The following AGO2 variants were observed in gnomAD, a reference collection of about 807,000 sequenced individuals.
The protein encoded by AGO2 is protein argonaute-2.
In AGO2, 5 loss-of-function variants were observed where a neutral mutation model predicts 102.3. That is an observed-to-expected ratio of 0.05 (90% CI 0.03 to 0.10). The LOEUF (loss-of-function observed/expected upper bound fraction) is 0.10, where lower values mean the gene tolerates loss of function less well. AGO2 is among the 10% of genes least tolerant of loss of function. AGO2 has a pLI of 1.00. For missense variants in AGO2, 541 were observed against 1,183.7 expected (o/e 0.46, Z 7.97); for synonymous variants, 449 against 473.1 (o/e 0.95, Z 0.66).
chr8:140,608,976 C>T (rs967471955), intron 1 of AGO2, among the ~76,000 whole-genome samples: 8 of 152,234 alleles, frequency 5.3e-5, no homozygotes, highest in East Asian at 3.8e-4. Flanking sequence ...TCAGTTCCAC[C>T]GGTGGGTCAC....
At chr8:140,628,124 G>A (rs1295021062) in intron 1 of AGO2, among the ~76,000 whole-genome samples, 1 of 152,254 alleles carries the variant, frequency 6.6e-6, no homozygotes, top group Non-Finnish European at 1.5e-5. Context: ...TCAGGGCAGA[G>A]ACCGGAAGAA....
At chr8:140,562,338 C>T in intron 4 of AGO2, 115 bp downstream of exon 4, 1 of 1,290,756 alleles carries the variant, frequency 7.7e-7, no homozygotes, top group Non-Finnish European at 1.0e-6. Flanking sequence ...CCCACGTGAC[C>T]ACTCCCACCC....
chr8:140,538,442 T>C (rs2072735206), intron 16 of AGO2, among the ~76,000 whole-genome samples: 1 of 152,238 alleles, frequency 6.6e-6, no homozygotes, highest in Non-Finnish European at 1.5e-5. Context: ...TTTTTACTTA[T>C]CCTACTAGGA....
At chr8:140,564,964 T>G (rs1025596502) in intron 3 of AGO2, among the ~76,000 whole-genome samples, 18 of 151,458 alleles carry the variant, frequency 1.2e-4, no homozygotes, top group African/African-American at 4.1e-4. Context: ...AAACCTCGTC[T>G]CTACTAAAAA....
At position 140,557,308 on chromosome 8, in the gene AGO2, G is replaced by T; in HGVS notation, c.879-72C>A. The T allele has an allele frequency of 6.6e-7, 1 of 1,514,536 alleles. No individual in the cohort carries two copies. Among genetic ancestry groups the T allele is most frequent in the South Asian group, 1.3e-5 (1 of 75,310 alleles). The allele number at this position is 1,514,536 out of a possible 1,614,324, so 93.8% of individuals were successfully genotyped here. On this transcript the variant is annotated intron_variant, in intron 7 of 18. Transcript: ENST00000220592. The surrounding 1 kb of genome is among the most constrained non-coding windows in gnomAD (Gnocchi z 5.9). ...TTCCCCTGCGCTGCTTTTCATTTGC[G>T]TTTGCTTTTTAGGGTGACGTGTGAG...
At chr8:140,614,340 A>T (rs1231240562) in intron 1 of AGO2, among the ~76,000 whole-genome samples, 3 of 152,208 alleles carry the variant, frequency 2.0e-5, no homozygotes, top group Non-Finnish European at 4.4e-5. Flanking sequence ...AAACAAAAGC[A>T]AAGGCAGGAC....
intron 1 of AGO2, among the ~76,000 whole-genome samples, chr8:140,604,295 A>G (rs1412644092): frequency 6.6e-6 from 1 of 152,252 alleles, no homozygotes; most frequent in Non-Finnish European, 1.5e-5. Context: ...CTGGGAGTTC[A>G]TGTTCAAGAA....
intron 1 of AGO2, chr8:140,592,289 C>T (rs558075040): frequency 3.3e-5 from 5 of 152,224 alleles, no homozygotes; most frequent in South Asian, 2.1e-4. Flanking sequence ...CAGGGCTGCT[C>T]GAAGCCTGAC....
chr8:140,588,483 A>C (rs1246480212), intron 1 of AGO2, among the ~76,000 whole-genome samples: 1 of 151,936 alleles, frequency 6.6e-6, no homozygotes, highest in South Asian at 2.1e-4. Flanking sequence ...ATGCTGACAG[A>C]GACACTAAGT....
At chr8:140,635,763 G>A (rs1346505174), upstream of AGO2, 1 of 143,756 alleles carries the variant, frequency 7.0e-6, no homozygotes, top group African/African-American at 2.5e-5. Flanking sequence ...CGCGGGGGGA[G>A]CGGGGCTGGG....
rs997212702 is a variant in AGO2 at position 140,567,407 on chromosome 8, T to G, written c.337-4773A>C. Among the ~76,000 whole-genome samples, 1 of 152,214 alleles carries G rather than the reference T, an allele frequency of 6.6e-6. No homozygotes were observed. Among genetic ancestry groups the G allele is most frequent in the South Asian group, 2.1e-4 (1 of 4,832 alleles). The stretch of plus-strand genomic sequence containing the variant: ...GGTCCACACCCGAGACACTGCCGCC[T>G]CTCAACAGCCCAAAGCGCTCGGTCC... On this transcript the variant is annotated intron_variant, in intron 3 of 18. Coordinates refer to ENST00000220592, the MANE Select transcript of AGO2 (RefSeq NM_012154.5). The surrounding 1 kb of genome is among the most constrained non-coding windows in gnomAD (Gnocchi z 5.0).
chr8:140,608,729 C>T (rs1032614316), intron 1 of AGO2, among the ~76,000 whole-genome samples: 4 of 152,218 alleles, frequency 2.6e-5, no homozygotes, highest in Non-Finnish European at 4.4e-5. Context: ...TGATCCAGCA[C>T]CCCTTAAACG....
At chr8:140,560,556 C>T (rs370136657) in intron 4 of AGO2, 46 bp from the exon 5 acceptor site, 160 of 1,584,458 alleles carry the variant, frequency 1.0e-4, no homozygotes, top group Non-Finnish European at 1.3e-4. Flanking sequence ...ATGTGTCTTC[C>T]GGAAGGAACA....
Position 140,527,921 on chromosome 8 carries a change from G to T in AGO2, c.*4123C>A, listed in dbSNP as rs1380329929. On this transcript the variant is annotated 3_prime_UTR_variant, in exon 19 of 19. Coordinates refer to ENST00000220592, the MANE Select transcript of AGO2 (RefSeq NM_012154.5). The surrounding 1 kb of genome is among the most constrained non-coding windows in gnomAD (Gnocchi z 6.0). Reference sequence around the variant, plus strand: ...CTGTCCAGCGGGTCACAGTCCCGCCGAAGGACTCATCCAGTTCCCAGAGGC... The same window carrying T: ...CTGTCCAGCGGGTCACAGTCCCGCCTAAGGACTCATCCAGTTCCCAGAGGC... The T allele has an allele frequency of 6.6e-6, 1 of 152,198 alleles. No homozygotes were observed. Among genetic ancestry groups the T allele is most frequent in the African/African-American group, 2.4e-5 (1 of 41,448 alleles). The allele number at this position is 152,198 out of a possible 1,614,324, so 9.4% of individuals were successfully genotyped here.
chr8:140,620,458 G>A (rs1014319460), intron 1 of AGO2, among the ~76,000 whole-genome samples: 3 of 152,238 alleles, frequency 2.0e-5, no homozygotes, highest in Non-Finnish European at 4.4e-5. Context: ...AAACTATGGA[G>A]GGTGCGGAGC....
chr8:140,613,487 C>T (rs964353209), intron 1 of AGO2, among the ~76,000 whole-genome samples: 5 of 152,108 alleles, frequency 3.3e-5, no homozygotes, highest in African/African-American at 1.2e-4. Context: ...AAATGGTCTT[C>T]GGGGTTCTCA....
chr8:140,633,506 G>C (rs1179927558), intron 1 of AGO2, among the ~76,000 whole-genome samples: 1 of 152,216 alleles, frequency 6.6e-6, no homozygotes, highest in Admixed American at 6.5e-5. Flanking sequence ...TGACAGAAAC[G>C]AGCCTGTGGA....
chr8:140,539,437 C>G lies in AGO2; in HGVS notation c.2052G>C (p.Leu684Phe), dbSNP rs2072755023. 6.2e-7 allele frequency: 1 copy of G among 1,613,406 alleles called. No individual in the cohort carries two copies. The highest frequency in any genetic ancestry group is 1.7e-5 in the Admixed American group (1 of 59,912). ...TGATACAGGCCTCACGGATGGCCAG[C>G]AACTCGTGGTGGAGAACCTAGGGGT... ...GQFQQVLHHE[L>F]LAIREACIKL... The change falls in exon 16 of 19, where the codon TTG becomes TTC. Residue 684 changes from leucine to phenylalanine, a missense_variant. Physicochemically the swap from Leu to Phe is conservative, Grantham distance 22 (BLOSUM62 0). This residue lies in a region of AGO2 where 309 missense variants were observed against 735.1 expected (regional missense o/e 0.42). Coordinates refer to ENST00000220592, the MANE Select transcript of AGO2 (RefSeq NM_012154.5). The surrounding 1 kb of genome is among the most constrained non-coding windows in gnomAD (Gnocchi z 4.7).
intron 1 of AGO2, among the ~76,000 whole-genome samples, chr8:140,629,925 G>A (rs1215509244): frequency 6.7e-6 from 1 of 149,462 alleles, no homozygotes; most frequent in Non-Finnish European, 1.5e-5. Flanking sequence ...GGGGAGGGGA[G>A]CGGAGGGGAG....
Sources: allele counts gnomAD v4.1 joint callset (sites outside exome capture counted in the v4.1 genomes callset), GRCh38; gene constraint gnomAD v4.1.1; regional missense constraint gnomAD v4.1.1; non-coding constraint Gnocchi (gnomAD v3.1); transcripts MANE v1.5; gene names NCBI Gene and HGNC (gene_info 2026-07-23, HGNC 2026-07-21).